CASK: variants seen among roughly 807,000 people sequenced by gnomAD.
CASK encodes calcium/calmodulin dependent serine protein kinase.
A neutral mutation model predicts 82.9 loss-of-function variants in CASK; 4 were observed. That is an observed-to-expected ratio of 0.05 (90% CI 0.02 to 0.11). The LOEUF is 0.11. CASK is among the 10% of genes least tolerant of loss of function. The pLI is 1.00. For synonymous variants in CASK, 259 were observed against 253.5 expected (o/e 1.02, Z -0.20); for missense variants, 358 against 720.9 (o/e 0.50, Z 5.76).
chrX:41,591,567 T>C (rs1413721321), intron 12 of CASK, among the ~76,000 whole-genome samples: 2 of 109,878 alleles, frequency 1.8e-5, no homozygotes, highest in Non-Finnish European at 3.8e-5. Context: ...CTCTGCCTCC[T>C]CGGTTCGAGC....
Position 41,922,927 on chromosome X carries a change from C to T in CASK, c.59+3G>A. The T allele has an allele frequency of 8.3e-7, 1 of 1,209,762 alleles. No individual in the cohort carries two copies. Among genetic ancestry groups the T allele is most frequent in the Non-Finnish European group, 1.1e-6 (1 of 893,553 alleles). On this transcript the variant is annotated splice_donor_region_variant and intron_variant, in intron 1 of 26. Transcript: ENST00000378163. ...ACTCCCGCTCCCTCGCGTGGAGACT[C>T]ACTTTCCGATCACCTCGCACAGCTC... is the stretch of plus-strand genomic sequence containing the variant.
chrX:41,900,521 A>T (rs142703650), intron 1 of CASK, among the ~76,000 whole-genome samples: 3,145 of 108,202 alleles, frequency 0.029, 64 homozygotes, highest in Non-Finnish European at 0.045. Context: ...CTTCTACTTC[A>T]AGTCTACTAT....
chrX:41,821,752 C>T (rs2070547097), intron 2 of CASK, among the ~76,000 whole-genome samples: 1 of 112,211 alleles, frequency 8.9e-6, no homozygotes, highest in Non-Finnish European at 1.9e-5. Flanking sequence ...ATCTCAATAC[C>T]ATTATTCTGA....
chrX:41,691,838 C>A (rs2147561762), intron 5 of CASK, among the ~76,000 whole-genome samples: 1 of 25,708 alleles, frequency 3.9e-5, no homozygotes, highest in Non-Finnish European at 5.7e-5. Flanking sequence ...GAGACTCTGT[C>A]TCAAAAAAAA....
chrX:41,697,530 C>T (rs1332989943), intron 5 of CASK: 1 of 111,639 alleles, frequency 9.0e-6, no homozygotes, highest in Non-Finnish European at 1.9e-5. Flanking sequence ...AATACGTACA[C>T]AAGAAACATG....
intron 5 of CASK, among the ~76,000 whole-genome samples, chrX:41,701,322 A>G (rs1248354043): frequency 1.8e-5 from 2 of 112,145 alleles, no homozygotes; most frequent in Admixed American, 9.5e-5. Flanking sequence ...CATAGATTTG[A>G]CTTAAAAATT....
At chrX:41,630,041 A>G (rs1037198366) in intron 9 of CASK, among the ~76,000 whole-genome samples, 1 of 112,072 alleles carries the variant, frequency 8.9e-6, no homozygotes, top group African/African-American at 3.2e-5. Context: ...TAAGATAAAT[A>G]ATATTAAAGT....
At chrX:41,917,660 C>T (rs919568314) in intron 1 of CASK, among the ~76,000 whole-genome samples, 2 of 111,646 alleles carry the variant, frequency 1.8e-5, no homozygotes, top group East Asian at 5.6e-4. Flanking sequence ...TACATAGAAG[C>T]GTGTTACGGA....
chrX:41,780,831 T>C (rs1000248371), intron 3 of CASK, among the ~76,000 whole-genome samples: 1 of 108,761 alleles, frequency 9.2e-6, no homozygotes, highest in Non-Finnish European at 1.9e-5. Context: ...GTATTTTTAG[T>C]AGAGACGGGG....
At chrX:41,739,297 G>T in intron 5 of CASK, 87 bp downstream of exon 5, 1 of 631,099 alleles carries the variant, frequency 1.6e-6, no homozygotes, top group South Asian at 2.5e-5. Context: ...TGTTCTTTAT[G>T]ACAATATTAA....
intron 1 of CASK, among the ~76,000 whole-genome samples, chrX:41,872,090 T>G (rs2071716823): frequency 8.9e-6 from 1 of 112,823 alleles, no homozygotes; most frequent in Admixed American, 9.3e-5. Flanking sequence ...AGAGCCACAC[T>G]CATCATTCGC....
intron 1 of CASK, among the ~76,000 whole-genome samples, chrX:41,859,982 TAC>T (rs1306980309): frequency 9.0e-6 from 1 of 111,260 alleles, no homozygotes; most frequent in Non-Finnish European, 1.9e-5. Context: ...TTCACATATA[TAC>T]ACACATACAT....
intron 3 of CASK, among the ~76,000 whole-genome samples, chrX:41,776,011 T>C (rs1412601131): frequency 1.8e-5 from 2 of 109,534 alleles, no homozygotes; most frequent in African/African-American, 6.6e-5. Flanking sequence ...ATTGTGCACA[T>C]GTACCCTAAA....
chrX:41,792,448 C>A, intron 2 of CASK, among the ~76,000 whole-genome samples: 1 of 109,444 alleles, frequency 9.1e-6, no homozygotes, highest in East Asian at 2.9e-4. Context: ...TGCCACCATG[C>A]CCAGCTAATT....
chrX:41,758,087 G>A (rs756883174), intron 3 of CASK, among the ~76,000 whole-genome samples: 8 of 111,787 alleles, frequency 7.2e-5, no homozygotes, highest in Non-Finnish European at 1.3e-4. Flanking sequence ...AGAAGGACCA[G>A]TTACATGAAG....
intron 5 of CASK, among the ~76,000 whole-genome samples, chrX:41,733,194 G>GGA (rs1239608316): frequency 3.1e-4 from 32 of 103,262 alleles, no homozygotes; most frequent in African/African-American, 1.1e-3. Context: ...AAAAAAAAAA[G>GGA]GAGAGAGAGA....
intron 22 of CASK, among the ~76,000 whole-genome samples, chrX:41,541,960 G>GT (rs774381270): frequency 1.8e-5 from 2 of 112,001 alleles, no homozygotes; most frequent in African/African-American, 6.5e-5. Flanking sequence ...TTTAGCTTAA[G>GT]TTGCACCCTG....
In CASK at chrX:41,622,674, T is replaced by C. The variant is rs770148182; in HGVS notation, c.1016-40A>G. 60 of 1,144,977 alleles carry C rather than the reference T, an allele frequency of 5.2e-5. No homozygotes were observed. In the South Asian group the frequency reaches 1.2e-3, roughly 22 times the overall value. 94.4% of individuals were successfully genotyped at this position (1,144,977 alleles called of 1,213,427 possible). A position where few individuals can be genotyped will look rare whatever the true frequency, so the allele number is the denominator to read the frequency against. Reference sequence around the variant, plus strand: ...GCATATGGACAAACAACAAACAGTATGATTTTAGAACAAGCAGGTTATCAA... The same window carrying C: ...GCATATGGACAAACAACAAACAGTACGATTTTAGAACAAGCAGGTTATCAA... On this transcript the variant is annotated intron_variant, in intron 10 of 26. Transcript: ENST00000378163.
chrX:41,581,808 T>A (rs1256034578), intron 14 of CASK, among the ~76,000 whole-genome samples: 2 of 110,116 alleles, frequency 1.8e-5, no homozygotes, highest in East Asian at 5.6e-4. Context: ...AAAAGCTTAT[T>A]TAGGAATGAC....
Sources: gnomAD v4.1 joint callset for allele counts (sites outside exome capture counted in the v4.1 genomes callset) on GRCh38, gnomAD v4.1.1 for gene constraint, MANE v1.5 for transcripts, NCBI Gene and HGNC (gene_info 2026-07-23, HGNC 2026-07-21) for gene names.